ANAPC1: variants seen among roughly 807,000 people sequenced by gnomAD.
ANAPC1 encodes anaphase-promoting complex subunit 1.
A neutral mutation model predicts 208.0 loss-of-function variants in ANAPC1; 36 were observed. That is an observed-to-expected ratio of 0.17 (90% confidence interval 0.13 to 0.23). The LOEUF (loss-of-function observed/expected upper bound fraction) is 0.23. Among genes scored for constraint, ANAPC1 ranks in the 10% least tolerant of loss-of-function variants. The pLI is 1.00. For missense variants in ANAPC1, 942 were observed against 2,011.6 expected, an observed-to-expected ratio of 0.47 and a Z score of 10.17; for synonymous variants, 378 against 695.2, an observed-to-expected ratio of 0.54 and a Z score of 7.18.
intron 16 of ANAPC1, among the ~76,000 whole-genome samples, chr2:111,846,541 A>C (rs1681075477): frequency 2.0e-5 from 1 of 49,226 alleles, no homozygotes; most frequent in Admixed American, 2.0e-4. Context: ...ATACATATAT[A>C]TATATATATA....
intron 13 of ANAPC1, 105 bp downstream of exon 13, chr2:111,856,509 C>T (rs1266448076): frequency 5.2e-6 from 6 of 1,150,718 alleles, no homozygotes; most frequent in South Asian, 1.4e-5. Context: ...ATTGTGCAGA[C>T]AGGAACATAA....
chr2:111,819,894 A>G (rs1228869088), intron 26 of ANAPC1, among the ~76,000 whole-genome samples: 3 of 152,234 alleles, frequency 2.0e-5, no homozygotes, highest in Non-Finnish European at 2.9e-5. Context: ...TGGGAACACA[A>G]CCGCAACATT....
At chr2:111,874,815 C>A (rs1255648211) in intron 3 of ANAPC1, among the ~76,000 whole-genome samples, 2 of 152,176 alleles carry the variant, frequency 1.3e-5, no homozygotes, top group Admixed American at 1.3e-4. Flanking sequence ...AATGGTAATT[C>A]TAAGTATAAC....
chr2:111,771,856 A>AT (rs573759481), intron 47 of ANAPC1, among the ~76,000 whole-genome samples: 2,793 of 151,898 alleles, frequency 0.018, 56 homozygotes, highest in African/African-American at 0.062. Flanking sequence ...TAATGGATAA[A>AT]TTTTTTTTAT....
chr2:111,870,240 G>C (rs1682672600), intron 6 of ANAPC1, among the ~76,000 whole-genome samples: 1 of 152,182 alleles, frequency 6.6e-6, no homozygotes, highest in South Asian at 2.1e-4. Flanking sequence ...ACCCAGTAAT[G>C]GGACTGCTAG....
At chr2:111,861,342 A>C (rs1186422755) in intron 10 of ANAPC1, among the ~76,000 whole-genome samples, 2 of 152,136 alleles carry the variant, frequency 1.3e-5, no homozygotes, top group South Asian at 4.1e-4. Flanking sequence ...TCCCAAAGTG[A>C]GTGATTACAG....
intron 29 of ANAPC1, among the ~76,000 whole-genome samples, chr2:111,807,678 C>A (rs533441600): frequency 3.7e-3 from 550 of 149,538 alleles, no homozygotes; most frequent in Middle Eastern, 7.0e-3. Flanking sequence ...GGCAACAGAG[C>A]AAGACTCTCT....
chr2:111,838,057 C>T (rs1391803983), intron 18 of ANAPC1, among the ~76,000 whole-genome samples: 1 of 132,994 alleles, frequency 7.5e-6, no homozygotes, highest in Non-Finnish European at 1.6e-5. Flanking sequence ...TGCACTCCAT[C>T]CCGGGCAACA....
chr2:111,857,344 C>T (rs1050310955), intron 11 of ANAPC1, among the ~76,000 whole-genome samples: 3 of 152,102 alleles, frequency 2.0e-5, no homozygotes, highest in Non-Finnish European at 4.4e-5. Flanking sequence ...TTTGTAACTT[C>T]CTTTAATCTA....
chr2:111,817,480 C>T (rs1442882923), intron 27 of ANAPC1, among the ~76,000 whole-genome samples: 1 of 151,768 alleles, frequency 6.6e-6, no homozygotes, highest in African/African-American at 2.4e-5. Context: ...AAAATTTTGC[C>T]ATAGGTGCTT....
intron 28 of ANAPC1, among the ~76,000 whole-genome samples, chr2:111,812,914 G>A (rs994463832): frequency 8.6e-6 from 1 of 116,124 alleles, no homozygotes; most frequent in Non-Finnish European, 1.8e-5. Context: ...AGCACTAAAA[G>A]AGAGTCTGCC....
intron 13 of ANAPC1, among the ~76,000 whole-genome samples, chr2:111,855,843 A>G (rs948558294): frequency 2.4e-4 from 36 of 152,040 alleles, no homozygotes; most frequent in African/African-American, 8.0e-4. Flanking sequence ...GTAGATGAAT[A>G]TTCACTTCAT....
intron 11 of ANAPC1, 162 bp from the exon 12 acceptor site, chr2:111,857,048 T>C (rs1681767788): frequency 3.5e-6 from 2 of 573,440 alleles, no homozygotes; most frequent in Admixed American, 6.0e-5. Flanking sequence ...GGAGAATTAG[T>C]GGTTACCAGG....
At position 111,792,477 on chromosome 2, in the gene ANAPC1, G is replaced by C. The variant is rs149586183; in HGVS notation, c.4597C>G (p.Leu1533Val). 2.2e-4 allele frequency: 348 copies of C among 1,613,792 alleles called. No individual in the cohort carries two copies. The highest frequency in any genetic ancestry group is 2.8e-4 in the Admixed American group (17 of 60,006). The change falls in exon 38 of 48, where the codon CTA becomes GTA. Residue 1533 changes from leucine (L) to valine (V), a missense_variant. By Grantham distance (32) the Leu-to-Val change is conservative. Coordinates refer to ENST00000341068, the MANE Select transcript of ANAPC1 (RefSeq NM_022662.4). ...LAMVMAGSGN[L>V]KVLQLCRFLH... ...AAGCGACAAAGCTGCAAAACCTTTA[G>C]GTTTCCTGAGCCAGCCATGACCATG...
intron 3 of ANAPC1, among the ~76,000 whole-genome samples, chr2:111,876,515 G>A (rs1485922780): frequency 6.6e-6 from 1 of 152,064 alleles, no homozygotes; most frequent in Non-Finnish European, 1.5e-5. Context: ...TAGTAAATAG[G>A]CAACTGTTCT....
intron 21 of ANAPC1, among the ~76,000 whole-genome samples, chr2:111,827,159 C>T (rs1417183419): frequency 6.6e-6 from 1 of 151,850 alleles, no homozygotes; most frequent in Non-Finnish European, 1.5e-5. Context: ...CAACAGGTAT[C>T]GAATAGTGCT....
intron 1 of ANAPC1, among the ~76,000 whole-genome samples, chr2:111,881,914 G>C (rs575519159): frequency 6.6e-6 from 1 of 152,262 alleles, no homozygotes; most frequent in Admixed American, 6.5e-5. Context: ...ACCGGGTGCG[G>C]TGGCTCACGC....
chr2:111,791,073 C>T (rs972770730), intron 38 of ANAPC1, among the ~76,000 whole-genome samples: 2 of 152,058 alleles, frequency 1.3e-5, no homozygotes, highest in African/African-American at 4.8e-5. Context: ...TATTTTACCA[C>T]AAATAAAAAT....
At chr2:111,800,297 T>C (rs1315446995) in intron 34 of ANAPC1, among the ~76,000 whole-genome samples, 1 of 142,080 alleles carries the variant, frequency 7.0e-6, no homozygotes, top group East Asian at 2.0e-4. Flanking sequence ...ACATGGACAG[T>C]TGTCTAAGGG....
Sources: allele counts gnomAD v4.1 joint callset (sites outside exome capture counted in the v4.1 genomes callset), GRCh38; gene constraint gnomAD v4.1.1; transcripts MANE v1.5; gene names NCBI Gene and HGNC (gene_info 2026-07-23, HGNC 2026-07-21).